The following FREM2 variants were observed in gnomAD, a reference collection of about 807,000 sequenced individuals.
FREM2 encodes FRAS1 related extracellular matrix 2.
FREM2 carries 119 observed loss-of-function variants against 219.9 expected under a neutral mutation model. The observed-to-expected ratio is 0.54, with a 90% CI of 0.47 to 0.63. The LOEUF (loss-of-function observed/expected upper bound fraction) is 0.63. Among genes scored for constraint, FREM2 ranks in the 30% least tolerant of loss-of-function variants. FREM2 has a pLI of 0.00. For missense variants in FREM2, 4,030 were observed against 3,993.6 expected (o/e 1.01, Z -0.25); for synonymous variants, 1,562 against 1,522.8 (o/e 1.03, Z -0.60).
At chr13:38,776,836 TGCAGC>T (rs1873887426) in intron 4 of FREM2, among the ~76,000 whole-genome samples, 1 of 151,874 alleles carries the variant, frequency 6.6e-6, no homozygotes, top group Non-Finnish European at 1.5e-5. Flanking sequence ...AAAAGTCATT[TGCAGC>T]CTTACCACTT....
rs138101324 is a variant in FREM2 at position 38,689,565 on chromosome 13, A to G, written c.2221A>G (p.Thr741Ala). ...LDTDDRELRY[T>A]VTQPPTDTDE... ...CACAGATGACCGAGAACTACGTTAC[A>G]CAGTGACTCAGCCCCCCACAGACAC... Residue 741 changes from threonine to alanine, a missense_variant, in exon 1 of 24, where the codon ACA (threonine) becomes GCA (alanine). This residue lies in a region of FREM2 where 3,102 missense variants were observed against 2,950.7 expected (regional missense o/e 1.05). Coordinates refer to ENST00000280481, the MANE Select transcript of FREM2 (RefSeq NM_207361.6). The G allele has an allele frequency of 1.4e-5, 22 of 1,613,116 alleles. No individual in the cohort carries two copies. The African/African-American group carries it at 2.7e-4, about 20-fold the overall frequency.
At chr13:38,716,292 G>T (rs1357349383) in intron 2 of FREM2, among the ~76,000 whole-genome samples, 1 of 152,138 alleles carries the variant, frequency 6.6e-6, no homozygotes, top group Non-Finnish European at 1.5e-5. Flanking sequence ...AGCTCGTGCA[G>T]TGTGCTTTGC....
chr13:38,690,104 C>T lies in FREM2; in HGVS notation c.2760C>T (p.Asp920=). Residue 920 remains aspartate (D), a synonymous_variant, in exon 1 of 24, where the codon GAC becomes GAT. Transcript: ENST00000280481. ...LTDSCSLEVS[D]RHHVVPITLR... ...ATAGCTGCTCCTTGGAAGTCAGTGA[C>T]AGACATCATGTGGTGCCCATCACTC... 6.2e-7 allele frequency: 1 copy of T among 1,614,152 alleles called. No individual in the cohort carries two copies. Among genetic ancestry groups the T allele is most frequent in the Non-Finnish European group, 8.5e-7 (1 of 1,180,024 alleles).
chr13:38,713,946 C>T (rs999629333), intron 2 of FREM2, among the ~76,000 whole-genome samples: 8 of 152,182 alleles, frequency 5.3e-5, no homozygotes, highest in African/African-American at 1.9e-4. Context: ...CTGAACATCT[C>T]ACAATGTAGG....
chr13:38,878,760 G>A, intron 22 of FREM2, 71 bp from the exon 23 acceptor site: 1 of 1,423,452 alleles, frequency 7.0e-7, no homozygotes. Context: ...AAAACAAATA[G>A]AGAAACATGC....
intron 3 of FREM2, among the ~76,000 whole-genome samples, chr13:38,764,766 T>C (rs1297776410): frequency 6.6e-6 from 1 of 152,256 alleles, no homozygotes; most frequent in African/African-American, 2.4e-5. Context: ...AAAAGTTTTC[T>C]GAAACATGAG....
chr13:38,788,078 A>G (rs1284997129), intron 6 of FREM2, among the ~76,000 whole-genome samples: 4 of 152,148 alleles, frequency 2.6e-5, no homozygotes, highest in African/African-American at 2.4e-5. Flanking sequence ...TGGGTAAACC[A>G]CGTCTTTCAT....
chr13:38,810,646 C>T (rs1417299365), intron 6 of FREM2, among the ~76,000 whole-genome samples: 1 of 151,888 alleles, frequency 6.6e-6, no homozygotes, highest in Non-Finnish European at 1.5e-5. Flanking sequence ...TTAAACCATC[C>T]TTGCATTCCT....
intron 6 of FREM2, among the ~76,000 whole-genome samples, chr13:38,813,983 T>G (rs1875651573): frequency 6.6e-6 from 1 of 152,094 alleles, no homozygotes; most frequent in South Asian, 2.1e-4. Context: ...ATTAATAGAC[T>G]CAGATGCATT....
At chr13:38,703,830 A>C (rs1347504909) in intron 2 of FREM2, among the ~76,000 whole-genome samples, 1 of 152,280 alleles carries the variant, frequency 6.6e-6, no homozygotes, top group East Asian at 1.9e-4. Context: ...AATTCTTGTT[A>C]GGAAGATTTC....
At position 38,690,410 on chromosome 13, in the gene FREM2, G is replaced by C; in HGVS notation, c.3066G>C (p.Glu1022Asp). 1 of 1,614,140 alleles carries C rather than the reference G, an allele frequency of 6.2e-7. No homozygotes were observed. The change falls in exon 1 of 24, where the codon GAG becomes GAC. Residue 1022 changes from glutamate (E) to aspartate (D), a missense_variant. Glu to Asp is a conservative substitution (Grantham distance 45). Transcript: ENST00000280481. ...TTGTATATACCCACACCAGTGGTGA[G>C]ATAGGCCTATTGCCTAAAGCGGATT... is the stretch of plus-strand genomic sequence containing the variant. ...GSVVYTHTSGEIGLLPKADSF... is the reference protein window; with the variant it reads ...GSVVYTHTSGDIGLLPKADSF...
chr13:38,875,903 C>T, intron 18 of FREM2, 119 bp from the exon 19 acceptor site: 2 of 972,682 alleles, frequency 2.1e-6, no homozygotes, highest in Non-Finnish European at 3.3e-6. Context: ...TGCTTTGCAG[C>T]CTTCTTATAA....
At chr13:38,855,795 A>G (rs1877533930) in intron 11 of FREM2, among the ~76,000 whole-genome samples, 1 of 152,106 alleles carries the variant, frequency 6.6e-6, no homozygotes, top group Non-Finnish European at 1.5e-5. Context: ...TGCTTGGGTG[A>G]TGGGTGAAAC....
intron 2 of FREM2, among the ~76,000 whole-genome samples, chr13:38,747,508 A>G (rs1336274899): frequency 1.3e-5 from 2 of 151,970 alleles, no homozygotes; most frequent in Non-Finnish European, 2.9e-5. Flanking sequence ...ACACACACAC[A>G]CACACACACA....
chr13:38,763,028 A>G (rs1873290385), intron 2 of FREM2, among the ~76,000 whole-genome samples: 1 of 152,196 alleles, frequency 6.6e-6, no homozygotes, highest in Non-Finnish European at 1.5e-5. Context: ...TTCCTTACAA[A>G]TATATTTCTG....
At chr13:38,754,882 TGATGATGATGATG>T (rs1566129632) in intron 2 of FREM2, among the ~76,000 whole-genome samples, 7 of 92,648 alleles carry the variant, frequency 7.6e-5, no homozygotes, top group Admixed American at 3.8e-4. Flanking sequence ...ATGATGATGA[TGATGATGATGATG>T]ATGATGATTA....
chr13:38,862,015 G>T (rs74481999), intron 15 of FREM2, among the ~76,000 whole-genome samples: 2,677 of 152,234 alleles, frequency 0.018, 47 homozygotes, highest in Non-Finnish European at 0.025. Context: ...GAAACTAACA[G>T]GTATTAAATA....
intron 4 of FREM2, among the ~76,000 whole-genome samples, chr13:38,779,222 TGTC>T (rs1164889735): frequency 8.6e-5 from 13 of 150,628 alleles, no homozygotes; most frequent in African/African-American, 3.2e-4. Flanking sequence ...CACTGGGGCT[TGTC>T]GGGGGGTGGA....
chr13:38,725,598 G>A (rs1871485082), intron 2 of FREM2, among the ~76,000 whole-genome samples: 1 of 152,184 alleles, frequency 6.6e-6, no homozygotes, highest in Non-Finnish European at 1.5e-5. Flanking sequence ...TCAGAACTGA[G>A]AAAAACCCAG....
Sources: allele counts gnomAD v4.1 joint callset (sites outside exome capture counted in the v4.1 genomes callset), GRCh38; gene constraint gnomAD v4.1.1; regional missense constraint gnomAD v4.1.1; transcripts MANE v1.5; gene names NCBI Gene and HGNC (gene_info 2026-07-23, HGNC 2026-07-21).